The following LRRC18 variants were observed in gnomAD, a reference collection of about 807,000 sequenced individuals.
LRRC18 encodes the protein leucine-rich repeat-containing protein 18.
LRRC18 carries 12 observed loss-of-function variants against 11.2 expected under a neutral mutation model. That is an observed-to-expected ratio of 1.07 (90% confidence interval 0.69 to 1.74). The LOEUF (loss-of-function observed/expected upper bound fraction) is 1.74, where lower values mean the gene tolerates loss of function less well. Among genes scored for constraint, LRRC18 ranks in the 40% most tolerant of loss-of-function variants. The pLI is 0.00. For synonymous variants in LRRC18, 155 were observed against 130.6 expected, an observed-to-expected ratio of 1.19 and a Z score of -1.27; for missense variants, 374 against 330.5, an observed-to-expected ratio of 1.13 and a Z score of -1.02.
chr10:48,914,166 T>C (rs973380555), exon 1 of LRRC18: 2 of 1,608,010 alleles, frequency 1.2e-6, no homozygotes, highest in Admixed American at 1.7e-5. Flanking sequence ...GTTCTTTTAG[T>C]AAGGGAGTGT....
chr10:48,911,054 C>T (rs1837956238), intron 1 of LRRC18: 2 of 259,640 alleles, frequency 7.7e-6, no homozygotes, highest in Non-Finnish European at 1.2e-5. Flanking sequence ...TATGTCTCTG[C>T]GTGGACTCTA....
chr10:48,927,615 G>T, the LRRC18 span, among the ~76,000 whole-genome samples: 1 of 152,176 alleles, frequency 6.6e-6, no homozygotes, highest in Admixed American at 6.5e-5. Flanking sequence ...AGCTTTGTCT[G>T]CCCCTAGTAT....
the LRRC18 span, among the ~76,000 whole-genome samples, chr10:48,923,499 T>C: frequency 8.0e-6 from 1 of 125,356 alleles, no homozygotes; most frequent in Non-Finnish European, 1.6e-5. Flanking sequence ...GTTTTTAGTA[T>C]ATATATATAT....
chr10:48,921,393 G>A, the LRRC18 span, among the ~76,000 whole-genome samples: 220 of 152,206 alleles, frequency 1.4e-3, 1 homozygote, highest in African/African-American at 5.0e-3. Flanking sequence ...TTTAACAAAC[G>A]ATGTTGAAAT....
exon 1 of LRRC18, chr10:48,914,126 G>A: frequency 1.2e-6 from 2 of 1,614,040 alleles, no homozygotes; most frequent in Non-Finnish European, 1.7e-6. Context: ...TGATCTTCTT[G>A]CCCTTGGGGC....
At chr10:48,920,604 C>A in the LRRC18 span, among the ~76,000 whole-genome samples, 51,103 of 151,990 alleles carry the variant, frequency 0.34, 9,101 homozygotes, top group Non-Finnish European at 0.39. Context: ...AAGTTTGGGA[C>A]TAAGACAAGA....
At chr10:48,929,784 A>G in the LRRC18 span, among the ~76,000 whole-genome samples, 2 of 152,090 alleles carry the variant, frequency 1.3e-5, no homozygotes, top group Non-Finnish European at 2.9e-5. Context: ...GCTCCACCAC[A>G]GCCTCTTCCG....
intron 1 of LRRC18, among the ~76,000 whole-genome samples, chr10:48,911,547 T>C (rs901384016): frequency 3.9e-5 from 6 of 152,236 alleles, no homozygotes; most frequent in African/African-American, 1.4e-4. Flanking sequence ...CTTATAGTTA[T>C]GTATATCCAC....
At chr10:48,924,059 G>A in the LRRC18 span, among the ~76,000 whole-genome samples, 2 of 152,306 alleles carry the variant, frequency 1.3e-5, no homozygotes, top group East Asian at 3.9e-4. Context: ...TCTCTCCAAA[G>A]GGCCCTTTGG....
chr10:48,925,589 G>A, the LRRC18 span, among the ~76,000 whole-genome samples: 3 of 152,272 alleles, frequency 2.0e-5, no homozygotes, highest in African/African-American at 4.8e-5. Context: ...GCCCCAATGT[G>A]AGCACTGCTT....
chr10:48,939,455 G>A, the LRRC18 span, among the ~76,000 whole-genome samples: 1 of 152,212 alleles, frequency 6.6e-6, no homozygotes. Flanking sequence ...GGTGGAGATA[G>A]AATTTAGATC....
At chr10:48,926,144 C>A in the LRRC18 span, among the ~76,000 whole-genome samples, 1 of 152,308 alleles carries the variant, frequency 6.6e-6, no homozygotes, top group East Asian at 1.9e-4. Context: ...ACATTGCTGG[C>A]CCCCACTGCC....
At chr10:48,932,805 T>C in the LRRC18 span, among the ~76,000 whole-genome samples, 1 of 151,848 alleles carries the variant, frequency 6.6e-6, no homozygotes, top group African/African-American at 2.4e-5. Flanking sequence ...CTGAGGTGGG[T>C]GGGGAGGTCC....
upstream of LRRC18, among the ~76,000 whole-genome samples, chr10:48,916,029 C>T (rs1838497561): frequency 6.6e-6 from 1 of 152,210 alleles, no homozygotes; most frequent in Admixed American, 6.5e-5. Context: ...TGTATGCTCA[C>T]TTGGTCCCAC....
chr10:48,928,431 A>G, the LRRC18 span, among the ~76,000 whole-genome samples: 2 of 148,808 alleles, frequency 1.3e-5, no homozygotes, highest in Non-Finnish European at 3.0e-5. Context: ...AGCAGCATGG[A>G]TGGGACCACA....
chr10:48,912,136 G>A (rs188922039), intron 1 of LRRC18, among the ~76,000 whole-genome samples: 1 of 152,332 alleles, frequency 6.6e-6, no homozygotes, highest in East Asian at 1.9e-4. Flanking sequence ...TACACAGGGA[G>A]GCCAGAGAAG....
At chr10:48,922,597 G>A in the LRRC18 span, among the ~76,000 whole-genome samples, 11 of 152,066 alleles carry the variant, frequency 7.2e-5, no homozygotes, top group East Asian at 5.8e-4. Flanking sequence ...CTTTATCATA[G>A]GCATGTTTTC....
chr10:48,928,092 G>A, the LRRC18 span, among the ~76,000 whole-genome samples: 54 of 152,162 alleles, frequency 3.5e-4, no homozygotes, highest in African/African-American at 1.2e-3. Context: ...CCAGACAGGT[G>A]TTATTTTGTC....
the LRRC18 span, among the ~76,000 whole-genome samples, chr10:48,938,265 C>G: frequency 6.6e-6 from 1 of 152,216 alleles, no homozygotes; most frequent in African/African-American, 2.4e-5. Context: ...GCTCGGGGTC[C>G]CAGGTTAACC....
Sources: allele counts gnomAD v4.1 joint callset (sites outside exome capture counted in the v4.1 genomes callset), GRCh38; gene constraint gnomAD v4.1.1; transcripts MANE v1.5; gene names NCBI Gene and HGNC (gene_info 2026-07-23, HGNC 2026-07-21).